Variants in TMC5 observed in about 807,000 individuals in gnomAD.
TMC5 encodes the protein transmembrane channel like 5.
Under a neutral mutation model 110.5 loss-of-function variants are expected in TMC5, and 86 were observed. That is an observed-to-expected ratio of 0.78 (90% confidence interval 0.65 to 0.93). TMC5 has a LOEUF of 0.93. TMC5 is among the 40% of genes least tolerant of loss of function. The probability of loss-of-function intolerance (pLI) is 0.00; values close to 1 mark genes in which losing one functional copy is unlikely to be tolerated. For missense variants in TMC5, 1,144 were observed against 1,222.8 expected, an observed-to-expected ratio of 0.94 and a Z score of 0.96; for synonymous variants, 455 against 439.5, an observed-to-expected ratio of 1.04 and a Z score of -0.44.
intron 17 of TMC5, among the ~76,000 whole-genome samples, chr16:19,488,060 A>G (rs1411286845): frequency 6.6e-6 from 1 of 152,092 alleles, no homozygotes; most frequent in Non-Finnish European, 1.5e-5. Context: ...TGATTAGGGC[A>G]GGGGAGTGGT....
intron 1 of TMC5, among the ~76,000 whole-genome samples, chr16:19,423,643 T>C (rs1236776669): frequency 6.6e-6 from 1 of 152,244 alleles, no homozygotes; most frequent in East Asian, 1.9e-4. Flanking sequence ...TTTTTCCCAC[T>C]GTACTTTCAA....
chr16:19,434,714 C>T lies in TMC5; in HGVS notation c.-80+4074C>T, dbSNP rs977449279. On this transcript the variant is annotated intron_variant, in intron 2 of 21. Coordinates refer to ENST00000542583, the MANE Select transcript of TMC5 (RefSeq NM_001261841.2). ...CTCTTTTGGAAGTTGCCAGGGTTTA[C>T]ATTGTACATAAATAAATATAATATC... Among the ~76,000 whole-genome samples the T allele has an allele frequency of 3.8e-4, 58 of 152,030 alleles. 2 individuals carry two copies. Among genetic ancestry groups the T allele is most frequent in the Non-Finnish European group, 7.4e-5 (5 of 68,024 alleles).
Position 19,464,041 on chromosome 16 carries a change from C to T in TMC5, c.1485+17C>T. On this transcript the variant is annotated intron_variant, in intron 8 of 21. Coordinates refer to ENST00000542583, the MANE Select transcript of TMC5 (RefSeq NM_001261841.2). ...ACTGGGGTGGTAAGTCCTCCACTTC[C>T]CCTACCCCAAGTGCACCAATCACCT... 2 of 1,611,200 alleles carry T rather than the reference C, an allele frequency of 1.2e-6. No individual in the cohort carries two copies. The highest frequency in any genetic ancestry group is 1.1e-5 in the South Asian group (1 of 90,758).
chr16:19,448,304 GCACA>G (rs35504788), intron 4 of TMC5, among the ~76,000 whole-genome samples: 60 of 142,088 alleles, frequency 4.2e-4, no homozygotes, highest in Middle Eastern at 3.9e-3. Flanking sequence ...ACACACACAC[GCACA>G]CACACACACA....
At chr16:19,494,464 G>C in intron 20 of TMC5, 98 bp downstream of exon 20, 1 of 762,322 alleles carries the variant, frequency 1.3e-6, no homozygotes, top group Non-Finnish European at 2.2e-6. Context: ...TGGGATCATG[G>C]AAGGGCCCTT....
upstream of TMC5, among the ~76,000 whole-genome samples, chr16:19,414,086 G>T (rs1249848054): frequency 6.6e-6 from 1 of 152,184 alleles, no homozygotes; most frequent in Non-Finnish European, 1.5e-5. Context: ...CAATGACATA[G>T]AACTATCCTT....
intron 1 of TMC5, among the ~76,000 whole-genome samples, chr16:19,429,569 G>C (rs1967154073): frequency 6.6e-6 from 1 of 152,154 alleles, no homozygotes; most frequent in African/African-American, 2.4e-5. Flanking sequence ...CCCATGACCT[G>C]GTGCTCTGGC....
intron 5 of TMC5, among the ~76,000 whole-genome samples, chr16:19,453,136 T>C (rs1380050553): frequency 6.6e-6 from 1 of 151,998 alleles, no homozygotes; most frequent in East Asian, 1.9e-4. Flanking sequence ...GTGTTGAATC[T>C]GATTCACAAA....
intron 4 of TMC5, among the ~76,000 whole-genome samples, chr16:19,446,320 G>C (rs148420965): frequency 6.4e-4 from 97 of 152,326 alleles, no homozygotes; most frequent in African/African-American, 2.2e-3. Context: ...GGATACACAT[G>C]TAGTACACAA....
In TMC5 at chr16:19,434,493, TATAGAG is replaced by T. The variant is rs1567300820; in HGVS notation, c.-80+3855_-80+3860del. On this transcript the variant is annotated intron_variant, in intron 2 of 21. Coordinates refer to ENST00000542583, the MANE Select transcript of TMC5 (RefSeq NM_001261841.2). ...ATAGATAGATAGATAGATAGATAGATATAGAGAGAGAGAGAGATGGGGGTCTTGCTA... is the reference window on the plus strand; with the variant it reads ...ATAGATAGATAGATAGATAGATAGATAGAGAGAGAGATGGGGGTCTTGCTA... 4.6e-4 allele frequency among the ~76,000 whole-genome samples: 61 copies of T among 133,570 alleles called. 2 individuals are homozygous for T. The highest frequency in any genetic ancestry group is 1.4e-3 in the South Asian group (6 of 4,428). The allele number at this position is 133,570 out of a possible 152,430, so 87.6% of individuals were successfully genotyped here.
chr16:19,497,409 ACT>A (rs1412673769), intron 21 of TMC5, among the ~76,000 whole-genome samples: 1 of 152,144 alleles, frequency 6.6e-6, no homozygotes, highest in Non-Finnish European at 1.5e-5. Flanking sequence ...TTTGCAATAG[ACT>A]CTGCCTAATA....
At chr16:19,456,748 T>G in intron 5 of TMC5, 1 of 1,613,976 alleles carries the variant, frequency 6.2e-7, no homozygotes, top group Middle Eastern at 1.6e-4. Flanking sequence ...TCATACAGGT[T>G]GAGAATGTTT....
rs754962688 is a variant in TMC5, at chr16:19,444,093, AAC to A, written c.803_804del (p.Thr268IlefsTer12). 1.9e-6 allele frequency: 3 copies of A among 1,613,974 alleles called. No homozygotes were observed. In the Middle Eastern group the frequency reaches 5.0e-4, roughly 266 times the overall value. On this transcript the variant is annotated frameshift_variant, in exon 4 of 22. Transcript: ENST00000542583. LOFTEE classifies it high-confidence loss of function. The stretch of plus-strand genomic sequence containing the variant: ...TTTTGGATTTTAGGGTGCTCAGCAG[AAC>A]ATCTTCAATCCAGCCCTCATTTCGT... ...PKMTRGVLSRTSSIQPSFRHR... is the reference protein window; with the variant it reads ...PKMTRGVLSRXSSIQPSFRHR...
chr16:19,414,203 T>C (rs775777774), upstream of TMC5, among the ~76,000 whole-genome samples: 8 of 151,342 alleles, frequency 5.3e-5, no homozygotes, highest in Non-Finnish European at 1.0e-4. Context: ...CCCTGCTTTC[T>C]GTGTCTGGGG....
intron 15 of TMC5, among the ~76,000 whole-genome samples, chr16:19,483,852 G>A (rs1267276674): frequency 1.3e-5 from 2 of 151,634 alleles, no homozygotes; most frequent in African/African-American, 2.4e-5. Flanking sequence ...TTAGGAGGCC[G>A]GATCACCTGA....
At chr16:19,445,115 C>T (rs546088826) in intron 4 of TMC5, among the ~76,000 whole-genome samples, 4 of 152,064 alleles carry the variant, frequency 2.6e-5, no homozygotes, top group South Asian at 2.1e-4. Context: ...GGCAGTAGAG[C>T]GAGACTCTGT....
chr16:19,439,804 C>T (rs1295916691), intron 2 of TMC5, among the ~76,000 whole-genome samples, 156 bp from the exon 3 acceptor site: 1 of 152,156 alleles, frequency 6.6e-6, no homozygotes, highest in Non-Finnish European at 1.5e-5. Context: ...ATGTTCATAC[C>T]TTGGTGCAAG....
intron 4 of TMC5, among the ~76,000 whole-genome samples, chr16:19,444,739 G>A (rs1053907218): frequency 3.9e-5 from 6 of 152,210 alleles, no homozygotes; most frequent in Admixed American, 1.3e-4. Flanking sequence ...CAATCAGCAC[G>A]TATGTGTTCA....
intron 2 of TMC5, among the ~76,000 whole-genome samples, chr16:19,434,334 TA>T (rs1370193144): frequency 8.0e-6 from 1 of 124,946 alleles, no homozygotes; most frequent in Non-Finnish European, 1.6e-5. Context: ...GATCTATATA[TA>T]ATATATATTA....
Sources: gnomAD v4.1 joint callset for allele counts (sites outside exome capture counted in the v4.1 genomes callset) on GRCh38, gnomAD v4.1.1 for gene constraint, MANE v1.5 for transcripts, NCBI Gene and HGNC (gene_info 2026-07-23, HGNC 2026-07-21) for gene names.